CFAP77: variants seen among roughly 807,000 people sequenced by gnomAD.
The protein encoded by CFAP77 is cilia and flagella associated protein 77.
Under a neutral mutation model 31.1 loss-of-function variants are expected in CFAP77, and 25 were observed. The ratio of observed to expected loss-of-function variants is 0.80; its 90% CI spans 0.59 to 1.12. The LOEUF (loss-of-function observed/expected upper bound fraction) is 1.12, where lower values mean the gene tolerates loss of function less well. CFAP77 is among the 50% of genes most tolerant of loss of function. The pLI is 0.00. For synonymous variants in CFAP77, 151 were observed against 159.9 expected (o/e 0.94, Z 0.42); for missense variants, 377 against 397.3 (o/e 0.95, Z 0.44).
intron 5 of CFAP77, among the ~76,000 whole-genome samples, chr9:132,559,170 C>T (rs980141552): frequency 7.9e-5 from 12 of 151,596 alleles, no homozygotes; most frequent in South Asian, 4.2e-4. Flanking sequence ...CGGTGAAACC[C>T]GATCTCTACT....
chr9:132,537,815 A>C (rs367562281), intron 4 of CFAP77, 109 bp downstream of exon 4: 50 of 774,202 alleles, frequency 6.5e-5, no homozygotes, highest in East Asian at 3.6e-4. Flanking sequence ...GTCATTGGGG[A>C]TGAGTGGGAA....
chr9:132,506,515 G>C (rs1851933363), intron 3 of CFAP77, among the ~76,000 whole-genome samples: 1 of 151,742 alleles, frequency 6.6e-6, no homozygotes, highest in East Asian at 1.9e-4. Flanking sequence ...GGCACCCTGG[G>C]CTCTGCCGCT....
At chr9:132,509,497 G>A (rs1404677670) in intron 3 of CFAP77, among the ~76,000 whole-genome samples, 2 of 152,188 alleles carry the variant, frequency 1.3e-5, no homozygotes, top group Admixed American at 6.5e-5. Context: ...AGTCTTGCTC[G>A]GTGGCTCACA....
intron 3 of CFAP77, among the ~76,000 whole-genome samples, chr9:132,522,693 C>G (rs960812695): frequency 6.6e-6 from 1 of 152,226 alleles, no homozygotes; most frequent in Non-Finnish European, 1.5e-5. Context: ...CAGGGAAATG[C>G]TAGATGTCCC....
intron 3 of CFAP77, among the ~76,000 whole-genome samples, chr9:132,524,370 G>A (rs1179740420): frequency 1.3e-5 from 2 of 151,814 alleles, no homozygotes; most frequent in African/African-American, 2.4e-5. Flanking sequence ...GGAGGCCAAG[G>A]CGGGCGGATC....
At chr9:132,529,520 C>CA (rs376224942) in intron 3 of CFAP77, among the ~76,000 whole-genome samples, 34,261 of 122,554 alleles carry the variant, frequency 0.28, 5,682 homozygotes, top group African/African-American at 0.37. Context: ...AAAAAAAAAA[C>CA]AAAAAAAAAA....
At chr9:132,543,862 A>G (rs1419346163) in intron 5 of CFAP77, among the ~76,000 whole-genome samples, 1 of 152,152 alleles carries the variant, frequency 6.6e-6, no homozygotes, top group Non-Finnish European at 1.5e-5. Flanking sequence ...GCAGGGAAAG[A>G]ACAATGTAAG....
intron 5 of CFAP77, among the ~76,000 whole-genome samples, chr9:132,571,562 G>A (rs918103840): frequency 6.6e-6 from 1 of 152,166 alleles, no homozygotes; most frequent in Non-Finnish European, 1.5e-5. Flanking sequence ...ACAGAGTTGT[G>A]TTCAATAAAC....
rs568121597 is a variant in CFAP77 at position 132,452,800 on chromosome 9, C to T, written c.195+42334C>T. Among the ~76,000 whole-genome samples the T allele has an allele frequency of 7.2e-5, 11 of 152,270 alleles. No individual in the cohort carries two copies. In the South Asian group the frequency reaches 2.1e-3, roughly 29 times the overall value. ...GTGCTCTGTCCCAGAAGGAACTAAA[C>T]AGCCTGGAGACCCACTGACTCTGCA... On this transcript the variant is annotated intron_variant, in intron 1 of 5. Coordinates refer to ENST00000393216, the MANE Select transcript of CFAP77 (RefSeq NM_001282957.2).
Position 132,498,757 on chromosome 9 carries a change from A to G in CFAP77, c.258A>G (p.Gly86=). The G allele has an allele frequency of 1.1e-5, 17 of 1,611,894 alleles. No homozygotes were observed. The highest frequency in any genetic ancestry group is 1.4e-5 in the Non-Finnish European group (17 of 1,178,964). The change falls in exon 2 of 6, where the codon GGA becomes GGG. Residue 86 remains glycine, a synonymous_variant. Coordinates refer to ENST00000393216, the MANE Select transcript of CFAP77 (RefSeq NM_001282957.2). The surrounding 1 kb of genome is among the most constrained non-coding windows in gnomAD (Gnocchi z 4.2). Reference sequence around the variant, plus strand: ...TGCCCGGCATTAATTTTAATTATGGACTCTACATCCGAGGGCTTGACGGAG... The same window carrying G: ...TGCCCGGCATTAATTTTAATTATGGGCTCTACATCCGAGGGCTTGACGGAG... ...YSLPGINFNY[G]LYIRGLDGGV...
chr9:132,451,338 T>TAAA (rs34713934), intron 1 of CFAP77, among the ~76,000 whole-genome samples: 60 of 131,344 alleles, frequency 4.6e-4, no homozygotes, highest in Non-Finnish European at 6.7e-4. Context: ...AACTCCATCT[T>TAAA]AAAAAAAAAA....
intron 1 of CFAP77, among the ~76,000 whole-genome samples, chr9:132,475,303 G>C (rs1251942855): frequency 6.6e-6 from 1 of 152,202 alleles, no homozygotes; most frequent in Non-Finnish European, 1.5e-5. Flanking sequence ...GAAGAGCCCA[G>C]CCTGGGTATC....
At position 132,539,855 on chromosome 9, in the gene CFAP77, G is replaced by C. The variant is rs1852608682; in HGVS notation, c.630+2149G>C. Among the ~76,000 whole-genome samples the C allele has an allele frequency of 6.6e-6, 1 of 152,214 alleles. No homozygotes were observed. Among genetic ancestry groups the C allele is most frequent in the African/African-American group, 2.4e-5 (1 of 41,454 alleles). On this transcript the variant is annotated intron_variant, in intron 4 of 5. Coordinates refer to ENST00000393216, the MANE Select transcript of CFAP77 (RefSeq NM_001282957.2). This position sits in a 1 kb window ranked among gnomAD's most constrained non-coding sequence, Gnocchi z 4.3. ...CTGTGGTGATGGCCGATTTCAGAGG[G>C]AGCATTACCAGCACAAACTGCTTTC...
At chr9:132,467,602 G>A (rs1851178127) in intron 1 of CFAP77, among the ~76,000 whole-genome samples, 1 of 152,132 alleles carries the variant, frequency 6.6e-6, no homozygotes, top group Non-Finnish European at 1.5e-5. Flanking sequence ...TCCATCGATG[G>A]ACACTTGGGT....
At chr9:132,483,149 T>C (rs1851478441) in intron 1 of CFAP77, among the ~76,000 whole-genome samples, 2 of 152,052 alleles carry the variant, frequency 1.3e-5, no homozygotes, top group Admixed American at 6.5e-5. Context: ...TGCGTGCCTG[T>C]AATCCCAGCT....
In CFAP77 at chr9:132,565,755, G is replaced by C. The variant is rs1589929378; in HGVS notation, c.733-6633G>C. Among the ~76,000 whole-genome samples, 1 of 152,180 alleles carries C rather than the reference G, an allele frequency of 6.6e-6. No individual in the cohort carries two copies. Among genetic ancestry groups the C allele is most frequent in the East Asian group, 1.9e-4 (1 of 5,198 alleles). On this transcript the variant is annotated intron_variant, in intron 5 of 5. Coordinates refer to ENST00000393216, the MANE Select transcript of CFAP77 (RefSeq NM_001282957.2). The surrounding 1 kb of genome is among the most constrained non-coding windows in gnomAD (Gnocchi z 4.1). Reference sequence around the variant, plus strand: ...TGGGCTCTGCCTTCCTGGCAGGTGTGTTTCCAGGGCACTGCATGGCAGCGC... The same window carrying C: ...TGGGCTCTGCCTTCCTGGCAGGTGTCTTTCCAGGGCACTGCATGGCAGCGC...
chr9:132,422,093 C>T (rs1281675901), intron 1 of CFAP77, among the ~76,000 whole-genome samples: 3 of 151,968 alleles, frequency 2.0e-5, no homozygotes, highest in African/African-American at 7.3e-5. Flanking sequence ...ATTGCAACCT[C>T]CGCCACCCAG....
intron 3 of CFAP77, among the ~76,000 whole-genome samples, chr9:132,515,469 G>T (rs1589899715): frequency 6.6e-6 from 1 of 152,250 alleles, no homozygotes; most frequent in East Asian, 1.9e-4. Context: ...GTATAAAGAT[G>T]AATATAATCC....
chr9:132,420,666 C>CAA (rs11414328), intron 1 of CFAP77, among the ~76,000 whole-genome samples: 23 of 127,998 alleles, frequency 1.8e-4, no homozygotes, highest in African/African-American at 2.8e-4. Context: ...GACTCTGTCT[C>CAA]AAAAAAAAAA....
Sources: allele counts gnomAD v4.1 joint callset (sites outside exome capture counted in the v4.1 genomes callset), GRCh38; gene constraint gnomAD v4.1.1; non-coding constraint Gnocchi (gnomAD v3.1); transcripts MANE v1.5; gene names NCBI Gene and HGNC (gene_info 2026-07-23, HGNC 2026-07-21).